The following PIGN variants were observed in gnomAD, a reference collection of about 807,000 sequenced individuals.
PIGN encodes GPI ethanolamine phosphate transferase 1.
In PIGN, 117 loss-of-function variants were observed where a neutral mutation model predicts 125.4. That is an observed-to-expected ratio of 0.93 (90% CI 0.80 to 1.09). The LOEUF is 1.09. PIGN is among the 50% of genes least tolerant of loss of function. The probability of loss-of-function intolerance (pLI) is 0.00; values close to 1 mark genes in which losing one functional copy is unlikely to be tolerated. For missense variants in PIGN, 1,075 were observed against 1,094.9 expected, an observed-to-expected ratio of 0.98 and a Z score of 0.26; for synonymous variants, 392 against 377.8, an observed-to-expected ratio of 1.04 and a Z score of -0.44.
At position 62,072,653 on chromosome 18, in the gene PIGN, C is replaced by T; in HGVS notation, c.2672+20G>A. 5 of 1,583,370 alleles carry T rather than the reference C, an allele frequency of 3.2e-6. No homozygotes were observed. The South Asian group carries it at 4.6e-5, about 14-fold the overall frequency. On this transcript the variant is annotated intron_variant, in intron 30 of 30. Transcript: ENST00000640252. ...AACTTATCCCTGTTGTTAAGCAATG[C>T]ATGACCATATATACTATACCTTGTC...
chr18:62,032,683 T>C (rs535597910), intron 23 of PIGN, among the ~76,000 whole-genome samples: 63 of 152,354 alleles, frequency 4.1e-4, no homozygotes, highest in African/African-American at 1.5e-3. Flanking sequence ...TCTCATTGTT[T>C]ACTAGCTGTG....
At chr18:62,176,967 T>TA (rs71715715) in intron 1 of PIGN, among the ~76,000 whole-genome samples, 27 of 149,144 alleles carry the variant, frequency 1.8e-4, no homozygotes, top group South Asian at 4.2e-4. Context: ...AAATAAAAAG[T>TA]AAAAAAAAAA....
At chr18:62,132,699 A>C (rs958466501) in intron 14 of PIGN, among the ~76,000 whole-genome samples, 8 of 152,276 alleles carry the variant, frequency 5.3e-5, no homozygotes, top group African/African-American at 1.9e-4. Flanking sequence ...TGATAAAATA[A>C]AATTCTGATT....
chr18:62,179,798 T>A (rs1470505136), intron 1 of PIGN, among the ~76,000 whole-genome samples: 1 of 152,100 alleles, frequency 6.6e-6, no homozygotes, highest in African/African-American at 2.4e-5. Context: ...TCTACAAGAT[T>A]ACATTAATAT....
chr18:62,088,812 C>T lies in PIGN; in HGVS notation c.2314G>A (p.Asp772Asn), dbSNP rs908430934. Residue 772 changes from aspartate (D) to asparagine (N), a missense_variant, in exon 25 of 31, where the codon GAT (aspartate) becomes AAT (asparagine). This residue lies in a region of PIGN where 915 missense variants were observed against 908.7 expected (regional missense o/e 1.01). Coordinates refer to ENST00000640252, the MANE Select transcript of PIGN (RefSeq NM_176787.5). ...TATAGCTGTCGAAACTGAGTTATAT[C>T]AGTATTATAAGAGAACTGGATACTG... is the stretch of plus-strand genomic sequence containing the variant. Reference protein sequence around the residue: ...LTSIQFSYNTDITQFRQLYLD... With the variant: ...LTSIQFSYNTNITQFRQLYLD... 2 of 1,557,678 alleles carry T rather than the reference C, an allele frequency of 1.3e-6. No homozygotes were observed. Among genetic ancestry groups the T allele is most frequent in the Admixed American group, 3.8e-5 (2 of 52,862 alleles).
intron 1 of PIGN, among the ~76,000 whole-genome samples, chr18:62,172,192 G>C (rs966011837): frequency 9.2e-5 from 14 of 152,032 alleles, no homozygotes; most frequent in Admixed American, 3.9e-4. Flanking sequence ...AGCTTTCGTA[G>C]TTTTTAAGGA....
At chr18:62,166,223 T>C (rs1278242152) in intron 1 of PIGN, among the ~76,000 whole-genome samples, 1 of 152,276 alleles carries the variant, frequency 6.6e-6, no homozygotes, top group African/African-American at 2.4e-5. Flanking sequence ...GAGAAACATA[T>C]TGGTTGCAGG....
At chr18:62,117,220 T>C (rs1599559653) in intron 14 of PIGN, among the ~76,000 whole-genome samples, 2 of 152,142 alleles carry the variant, frequency 1.3e-5, no homozygotes, top group Admixed American at 1.3e-4. Context: ...TAGTTTTCCA[T>C]CAAATTGAGA....
intron 24 of PIGN, 145 bp downstream of exon 24, chr18:62,090,331 T>G: frequency 3.6e-6 from 2 of 554,562 alleles, no homozygotes; most frequent in Non-Finnish European, 6.2e-6. Flanking sequence ...ATTATTAAGT[T>G]TAACTTAATT....
chr18:62,179,033 G>A (rs558676341), intron 1 of PIGN, among the ~76,000 whole-genome samples: 5 of 152,188 alleles, frequency 3.3e-5, no homozygotes, highest in Non-Finnish European at 7.3e-5. Context: ...GTTTTGAGGA[G>A]TACTGGTCAG....
chr18:62,174,910 C>T (rs2037467921), intron 1 of PIGN, among the ~76,000 whole-genome samples: 1 of 143,356 alleles, frequency 7.0e-6, no homozygotes, highest in East Asian at 2.2e-4. Flanking sequence ...TCCCCTCCCC[C>T]TCAAAAAAGC....
intron 16 of PIGN, among the ~76,000 whole-genome samples, chr18:62,112,051 C>A (rs955163288): frequency 1.3e-4 from 20 of 152,142 alleles, no homozygotes; most frequent in African/African-American, 4.8e-4. Context: ...ATCTGAGTGG[C>A]CTTTAATAAG....
rs72454339 is a variant in PIGN, at chr18:62,135,619, C to CTTT, written c.1172+2621_1172+2623dup. On this transcript the variant is annotated intron_variant, in intron 14 of 30. Coordinates refer to ENST00000640252, the MANE Select transcript of PIGN (RefSeq NM_176787.5). ...TTCTTTTCTTTTGTTTTTTCTTTGT[C>CTTT]TTTTTTTTTTTTTTTTTTTTTTCAG... 9.4e-3 allele frequency: 649 copies of CTTT among 68,686 alleles called. 24 individuals are homozygous for CTTT. Among genetic ancestry groups the CTTT allele is most frequent in the Non-Finnish European group, 0.014 (544 of 39,056 alleles). The allele number at this position is 68,686 out of a possible 1,614,324, so 4.3% of individuals were successfully genotyped here. A position where few individuals can be genotyped will look rare whatever the true frequency, so the allele number is the denominator to read the frequency against.
At position 62,043,597 on chromosome 18, in the gene PIGN, A is replaced by G. The variant is rs915264251; in HGVS notation, c.*2259T>C. The G allele has an allele frequency of 9.9e-5, 15 of 152,244 alleles. 3 individuals carry two copies. The highest frequency in any genetic ancestry group is 9.2e-4 in the Admixed American group (14 of 15,286). 9.4% of individuals were successfully genotyped at this position (152,244 alleles called of 1,614,324 possible). On this transcript the variant is annotated 3_prime_UTR_variant, in exon 31 of 31. Coordinates refer to ENST00000640252, the MANE Select transcript of PIGN (RefSeq NM_176787.5). ...ATGAAAATATACAATCATTTATAAC[A>G]TTATTTTCCTAAAAAATAAAAAAGC...
At chr18:62,053,537 A>G (rs1207588129) in intron 30 of PIGN, among the ~76,000 whole-genome samples, 4 of 152,224 alleles carry the variant, frequency 2.6e-5, no homozygotes, top group Non-Finnish European at 5.9e-5. Context: ...CCGTGACCAA[A>G]CCACATGCTG....
intron 30 of PIGN, among the ~76,000 whole-genome samples, chr18:62,048,233 T>G (rs1350908401): frequency 6.6e-6 from 1 of 152,114 alleles, no homozygotes; most frequent in Non-Finnish European, 1.5e-5. Flanking sequence ...ATCTAACATT[T>G]GTGTCACTGG....
intron 14 of PIGN, among the ~76,000 whole-genome samples, chr18:62,115,179 G>A (rs1016248967): frequency 9.9e-5 from 15 of 152,010 alleles, no homozygotes; most frequent in African/African-American, 2.7e-4. Context: ...TACCTTCTTC[G>A]TTCCTCTTTC....
chr18:62,020,258 C>G (rs2030037169), intron 23 of PIGN, among the ~76,000 whole-genome samples: 1 of 152,208 alleles, frequency 6.6e-6, no homozygotes, highest in Non-Finnish European at 1.5e-5. Context: ...TAAACCAACA[C>G]TGGGAACTAC....
Position 62,045,617 on chromosome 18 carries a change from G to A in PIGN, c.*239C>T. 1 of 340,894 alleles carries A rather than the reference G, an allele frequency of 2.9e-6. No homozygotes were observed. The highest frequency in any genetic ancestry group is 5.4e-6 in the Non-Finnish European group (1 of 185,290). 21.1% of individuals were successfully genotyped at this position (340,894 alleles called of 1,614,324 possible). A position where few individuals can be genotyped will look rare whatever the true frequency, so the allele number is the denominator to read the frequency against. On this transcript the variant is annotated 3_prime_UTR_variant, in exon 31 of 31. Coordinates refer to ENST00000640252, the MANE Select transcript of PIGN (RefSeq NM_176787.5). The stretch of plus-strand genomic sequence containing the variant: ...CAGCCAAAGGAAAAAAATGAAAAAG[G>A]AGAATGCCTTCCTATGCTTTTCCAC...
Sources: gnomAD v4.1 joint callset for allele counts (sites outside exome capture counted in the v4.1 genomes callset) on GRCh38, gnomAD v4.1.1 for gene constraint, gnomAD v4.1.1 regional missense constraint, MANE v1.5 for transcripts, NCBI Gene and HGNC (gene_info 2026-07-23, HGNC 2026-07-21) for gene names.